Variants in SGCZ observed in about 807,000 individuals in gnomAD.
SGCZ encodes zeta-sarcoglycan.
SGCZ carries 40 observed loss-of-function variants against 41.3 expected under a neutral mutation model. The ratio of observed to expected loss-of-function variants is 0.97; its 90% CI spans 0.75 to 1.26. The LOEUF is 1.26. SGCZ is among the 50% of genes most tolerant of loss of function. The pLI, the probability that SGCZ is intolerant of heterozygous loss-of-function variation, is 0.00. For missense variants in SGCZ, 552 were observed against 369.8 expected, an observed-to-expected ratio of 1.49 and a Z score of -4.04; for synonymous variants, 206 against 137.5, an observed-to-expected ratio of 1.50 and a Z score of -3.49.
chr8:14,101,672 A>ACTT (rs1250377434), intron 7 of SGCZ, among the ~76,000 whole-genome samples: 2 of 143,480 alleles, frequency 1.4e-5, no homozygotes, highest in Admixed American at 1.4e-4. Flanking sequence ...AAACAGTAAA[A>ACTT]CTTTTGTTTT....
intron 1 of SGCZ, among the ~76,000 whole-genome samples, chr8:14,950,856 A>G (rs1296174726): frequency 1.3e-5 from 2 of 152,080 alleles, no homozygotes; most frequent in East Asian, 1.9e-4. Context: ...TGTAAAAGGT[A>G]GGTTAAATAG....
chr8:14,693,773 G>C lies in SGCZ; in HGVS notation c.40-138847C>G, dbSNP rs138799491. Among the ~76,000 whole-genome samples, 323 of 151,698 alleles carry C rather than the reference G, an allele frequency of 2.1e-3. 1 individual carries two copies. Among genetic ancestry groups the C allele is most frequent in the Middle Eastern group, 6.8e-3 (2 of 294 alleles). ...TCCCAGCTAATTTTTTGTATTTTTA[G>C]TAGGGATGGGGTTTCACCATGTTGG... On this transcript the variant is annotated intron_variant, in intron 1 of 7. Coordinates refer to ENST00000382080, the MANE Select transcript of SGCZ (RefSeq NM_139167.4).
chr8:15,007,873 A>G (rs1802661423), intron 1 of SGCZ, among the ~76,000 whole-genome samples: 1 of 152,218 alleles, frequency 6.6e-6, no homozygotes, highest in African/African-American at 2.4e-5. Flanking sequence ...GTCAGATATA[A>G]TCATAACGTG....
intron 3 of SGCZ, among the ~76,000 whole-genome samples, chr8:14,307,446 A>G (rs187729516): frequency 4.8e-4 from 73 of 152,274 alleles, no homozygotes; most frequent in African/African-American, 1.7e-3. Flanking sequence ...GATCTGGCAA[A>G]TAACTACAGT....
intron 1 of SGCZ, among the ~76,000 whole-genome samples, chr8:15,150,407 G>T (rs572630201): frequency 2.6e-5 from 4 of 152,122 alleles, no homozygotes; most frequent in Admixed American, 6.6e-5. Flanking sequence ...CCATTGAAAA[G>T]GTTTCCTTCG....
At chr8:14,227,191 T>C (rs929510790) in intron 4 of SGCZ, among the ~76,000 whole-genome samples, 2 of 152,100 alleles carry the variant, frequency 1.3e-5, no homozygotes, top group African/African-American at 4.8e-5. Flanking sequence ...GGCAGGCTGG[T>C]CTCTGAATTA....
At position 14,086,537 on chromosome 8, in the gene SGCZ, C is replaced by G. The variant is rs972229836; in HGVS notation, c.*3906G>C. 6.6e-6 allele frequency among the ~76,000 whole-genome samples: 1 copy of G among 151,708 alleles called. No homozygotes were observed. The highest frequency in any genetic ancestry group is 2.4e-5 in the African/African-American group (1 of 41,410). ...ACATTATCATTTCTTCAAAAGATCACTGCTTTTTAGCTTTATGGAGGTAAT... is the reference window on the plus strand; with the variant it reads ...ACATTATCATTTCTTCAAAAGATCAGTGCTTTTTAGCTTTATGGAGGTAAT... On this transcript the variant is annotated 3_prime_UTR_variant, in exon 8 of 8. Transcript: ENST00000382080.
intron 1 of SGCZ, among the ~76,000 whole-genome samples, chr8:15,072,130 C>T (rs1277045332): frequency 6.6e-6 from 1 of 152,062 alleles, no homozygotes; most frequent in Non-Finnish European, 1.5e-5. Flanking sequence ...TACTCTCCAT[C>T]TTCCTGGTCT....
rs559205930 is a variant in SGCZ, at chr8:14,094,380, T to A, written c.745-3743A>T. The stretch of plus-strand genomic sequence containing the variant: ...TGTTCAACTCCCAATTAGGAGTACA[T>A]GTGGTGTTTGGTTTTCTGTTCTTGT... On this transcript the variant is annotated intron_variant, in intron 7 of 7. Transcript: ENST00000382080. Among the ~76,000 whole-genome samples the A allele has an allele frequency of 2.0e-4, 31 of 151,998 alleles. 1 individual carries two copies. The highest frequency in any genetic ancestry group is 7.9e-4 in the Admixed American group (12 of 15,224).
chr8:15,002,070 C>T (rs1417388065), intron 1 of SGCZ, among the ~76,000 whole-genome samples: 1 of 151,978 alleles, frequency 6.6e-6, no homozygotes, highest in African/African-American at 2.4e-5. Context: ...CATAGAGTTG[C>T]CGTGAAAATG....
At chr8:14,727,071 G>C (rs944912744) in intron 1 of SGCZ, among the ~76,000 whole-genome samples, 1 of 151,858 alleles carries the variant, frequency 6.6e-6, no homozygotes, top group Non-Finnish European at 1.5e-5. Flanking sequence ...TCCGGCAAAA[G>C]ACATTTAAAA....
Position 14,088,083 on chromosome 8 carries a change from A to G in SGCZ, c.*2360T>C, listed in dbSNP as rs1474010546. Among the ~76,000 whole-genome samples the G allele has an allele frequency of 6.6e-6, 1 of 150,846 alleles. No homozygotes were observed. The stretch of plus-strand genomic sequence containing the variant: ...ATCTTTTTTTCTCACTTTTTTTTTC[A>G]TCTTTTCTCCTCTTATGACATATAA... On this transcript the variant is annotated 3_prime_UTR_variant, in exon 8 of 8. Coordinates refer to ENST00000382080, the MANE Select transcript of SGCZ (RefSeq NM_139167.4).
At chr8:14,206,811 T>G (rs1168518190) in intron 4 of SGCZ, among the ~76,000 whole-genome samples, 1 of 152,136 alleles carries the variant, frequency 6.6e-6, no homozygotes, top group Non-Finnish European at 1.5e-5. Context: ...TAGCCCTATC[T>G]CTGTCATTTT....
intron 1 of SGCZ, among the ~76,000 whole-genome samples, chr8:14,844,319 T>C (rs898615983): frequency 3.9e-5 from 6 of 152,184 alleles, no homozygotes; most frequent in African/African-American, 1.4e-4. Flanking sequence ...TAGATTCTTT[T>C]CTTTCCCTAA....
At chr8:15,031,158 G>A (rs1369488785) in intron 1 of SGCZ, among the ~76,000 whole-genome samples, 3 of 151,948 alleles carry the variant, frequency 2.0e-5, no homozygotes, top group African/African-American at 4.8e-5. Flanking sequence ...TTTTAAACAG[G>A]ATGCTATGGC....
chr8:14,981,324 G>T (rs746338203), intron 1 of SGCZ, among the ~76,000 whole-genome samples: 7 of 152,074 alleles, frequency 4.6e-5, no homozygotes, highest in Non-Finnish European at 1.0e-4. Flanking sequence ...TGAATACGTT[G>T]TCTTTTCACC....
chr8:14,704,295 A>G (rs1208466428), intron 1 of SGCZ, among the ~76,000 whole-genome samples: 1 of 151,994 alleles, frequency 6.6e-6, no homozygotes, highest in Admixed American at 6.6e-5. Context: ...TCTTTAACAT[A>G]GCTATTTTTT....
intron 2 of SGCZ, among the ~76,000 whole-genome samples, chr8:14,452,172 C>A (rs1453349352): frequency 6.6e-6 from 1 of 151,982 alleles, no homozygotes; most frequent in Non-Finnish European, 1.5e-5. Flanking sequence ...TGAAATGAAA[C>A]GGAGACAACT....
intron 1 of SGCZ, among the ~76,000 whole-genome samples, chr8:14,887,309 T>C (rs1367675601): frequency 6.6e-6 from 1 of 152,186 alleles, no homozygotes; most frequent in Non-Finnish European, 1.5e-5. Flanking sequence ...ATGGAGTCAG[T>C]CAACATTGAC....
Sources: gnomAD v4.1 joint callset for allele counts (sites outside exome capture counted in the v4.1 genomes callset) on GRCh38, gnomAD v4.1.1 for gene constraint, MANE v1.5 for transcripts, NCBI Gene and HGNC (gene_info 2026-07-23, HGNC 2026-07-21) for gene names.